The following FAM171B variants were observed in gnomAD, a reference collection of about 807,000 sequenced individuals.
FAM171B encodes the protein protein FAM171B.
In FAM171B, 19 loss-of-function variants were observed where a neutral mutation model predicts 75.6. That is an observed-to-expected ratio of 0.25 (90% CI 0.18 to 0.37). The LOEUF (loss-of-function observed/expected upper bound fraction) is 0.37. Ranked by LOEUF, FAM171B falls within the 10% of genes least tolerant of loss-of-function variation. The probability of loss-of-function intolerance (pLI) is 1.00; values close to 1 mark genes in which losing one functional copy is unlikely to be tolerated. For synonymous variants in FAM171B, 367 were observed against 361.7 expected, an observed-to-expected ratio of 1.01 and a Z score of -0.17; for missense variants, 848 against 982.4, an observed-to-expected ratio of 0.86 and a Z score of 1.83.
At position 186,764,925 on chromosome 2, in the gene FAM171B, A is replaced by G. The variant is rs368025212; in HGVS notation, c.*2102A>G. The G allele has an allele frequency of 2.6e-5, 4 of 152,148 alleles. No homozygotes were observed. Among genetic ancestry groups the G allele is most frequent in the South Asian group, 4.1e-4 (2 of 4,828 alleles). 9.4% of individuals were successfully genotyped at this position (152,148 alleles called of 1,614,324 possible). ...TTGGTAATGAAATACACATATTGGT[A>G]TAAGGGTATACCATTCAGGTATGCC... On this transcript the variant is annotated 3_prime_UTR_variant, in exon 8 of 8. Coordinates refer to ENST00000304698, the MANE Select transcript of FAM171B (RefSeq NM_177454.4).
chr2:186,706,320 A>G (rs145971953), intron 1 of FAM171B, among the ~76,000 whole-genome samples: 2 of 152,356 alleles, frequency 1.3e-5, no homozygotes, highest in Non-Finnish European at 2.9e-5. Flanking sequence ...TTTATCACCA[A>G]TGCTGTTCCA....
chr2:186,719,326 A>G (rs9789682), intron 1 of FAM171B, among the ~76,000 whole-genome samples: 46,989 of 152,122 alleles, frequency 0.31, 7,962 homozygotes, highest in South Asian at 0.39. Context: ...TACTTTGCGC[A>G]TTGATAGAAC....
In FAM171B at chr2:186,761,126, T is replaced by G. The variant is rs746611264; in HGVS notation, c.1026T>G (p.Asn342Lys). 1.2e-6 allele frequency: 2 copies of G among 1,609,458 alleles called. No individual in the cohort carries two copies. The highest frequency in any genetic ancestry group is 1.7e-5 in the Admixed American group (1 of 59,186). ...PLPGTRGSGI[N>K]EDSKDITAYH... Reference sequence around the variant, plus strand: ...TGAACCATGTAGGTTCAGGTATAAATGAAGATTCCAAGGACATAACTGCCT... The same window carrying G: ...TGAACCATGTAGGTTCAGGTATAAAGGAAGATTCCAAGGACATAACTGCCT... The change falls in exon 7 of 8, where the codon AAT becomes AAG. Residue 342 changes from asparagine (N) to lysine (K), a missense_variant. Around this residue, in one of 3 missense-constraint regions of FAM171B, gnomAD observed 665 missense variants for 729.0 expected, o/e 0.91. Transcript: ENST00000304698.
chr2:186,740,248 G>A lies in FAM171B; in HGVS notation c.259G>A (p.Val87Ile), dbSNP rs757930299. Residue 87 changes from valine to isoleucine, a missense_variant, in exon 2 of 8, where the codon GTC becomes ATC. By Grantham distance (29) the Val-to-Ile change is conservative. Around this residue, in one of 3 missense-constraint regions of FAM171B, gnomAD observed 665 missense variants for 729.0 expected, o/e 0.91. Coordinates refer to ENST00000304698, the MANE Select transcript of FAM171B (RefSeq NM_177454.4). The part of the protein sequence containing the change: ...TVPVSVFMLK[V>I]QVNDIISRQY... ...TCCAGTGTCTGTATTTATGTTGAAA[G>A]TCCAGGTGAATGACATCATCAGTCG... 3 of 1,613,848 alleles carry A rather than the reference G, an allele frequency of 1.9e-6. No homozygotes were observed. Among genetic ancestry groups the A allele is most frequent in the Non-Finnish European group, 2.5e-6 (3 of 1,179,838 alleles).
intron 1 of FAM171B, among the ~76,000 whole-genome samples, chr2:186,720,245 C>T (rs1015897921): frequency 7.2e-5 from 11 of 152,172 alleles, no homozygotes; most frequent in African/African-American, 2.7e-4. Flanking sequence ...ACCATGTTGG[C>T]CAGGCTGATC....
rs1038325899 is a variant in FAM171B, at chr2:186,765,921, CAT to C, written c.*3100_*3101del. 1.3e-5 allele frequency: 2 copies of C among 152,028 alleles called. No individual in the cohort carries two copies. The highest frequency in any genetic ancestry group is 2.4e-5 in the African/African-American group (1 of 41,416). 9.4% of individuals were successfully genotyped at this position (152,028 alleles called of 1,614,324 possible). On this transcript the variant is annotated 3_prime_UTR_variant, in exon 8 of 8. Coordinates refer to ENST00000304698, the MANE Select transcript of FAM171B (RefSeq NM_177454.4). ...ACCTGAAGATTTGTAAAATGTTAAA[CAT>C]AGTTCATTAAAAATAATAAAATAAA...
At chr2:186,736,567 G>GTGTGTGTGTGGGA (rs55683607) in intron 1 of FAM171B, among the ~76,000 whole-genome samples, 2,921 of 104,512 alleles carry the variant, frequency 0.028, 30 homozygotes, top group African/African-American at 0.036. Flanking sequence ...TGTGTGTGTG[G>GTGTGTGTGTGGGA]GAGAGAGAGA....
At chr2:186,755,004 T>C (rs1690512556) in intron 6 of FAM171B, among the ~76,000 whole-genome samples, 1 of 152,154 alleles carries the variant, frequency 6.6e-6, no homozygotes, top group East Asian at 1.9e-4. Context: ...GATCTGTTCA[T>C]AGTCTAGGAA....
At chr2:186,722,663 T>G (rs1689973116) in intron 1 of FAM171B, among the ~76,000 whole-genome samples, 1 of 152,158 alleles carries the variant, frequency 6.6e-6, no homozygotes. Context: ...GGTTGTCCGG[T>G]GGCATAGGGC....
chr2:186,762,314 C>A lies in FAM171B; in HGVS notation c.1972C>A (p.Leu658Ile), dbSNP rs1197166966. The change falls in exon 8 of 8, where the codon CTC becomes ATC. Residue 658 changes from leucine (L) to isoleucine (I), a missense_variant. Around this residue, in one of 3 missense-constraint regions of FAM171B, gnomAD observed 47 missense variants for 94.0 expected, o/e 0.50. Coordinates refer to ENST00000304698, the MANE Select transcript of FAM171B (RefSeq NM_177454.4). This position sits in a 1 kb window ranked among gnomAD's most constrained non-coding sequence, Gnocchi z 4.0. ...SELQGISEQT[L>I]LELSKGKPSP... ...ACTTCAAGGAATTTCAGAACAGACC[C>A]TCCTGGAGCTGTCCAAAGGAAAGCC... is the stretch of plus-strand genomic sequence containing the variant. The A allele has an allele frequency of 6.2e-7, 1 of 1,613,704 alleles. No homozygotes were observed. The highest frequency in any genetic ancestry group is 8.5e-7 in the Non-Finnish European group (1 of 1,179,792).
At chr2:186,730,640 A>G (rs58644770) in intron 1 of FAM171B, among the ~76,000 whole-genome samples, 48,943 of 152,078 alleles carry the variant, frequency 0.32, 8,623 homozygotes, top group South Asian at 0.41. Flanking sequence ...ATTTTTTTCT[A>G]AATATGATAT....
At chr2:186,701,066 G>C (rs1016534479) in intron 1 of FAM171B, among the ~76,000 whole-genome samples, 1 of 151,890 alleles carries the variant, frequency 6.6e-6, no homozygotes, top group African/African-American at 2.4e-5. Flanking sequence ...ACAAGTGCCT[G>C]CCACCATGCC....
At chr2:186,727,430 A>G (rs1690050588) in intron 1 of FAM171B, among the ~76,000 whole-genome samples, 1 of 152,230 alleles carries the variant, frequency 6.6e-6, no homozygotes, top group African/African-American at 2.4e-5. Context: ...TGTCTTGGTT[A>G]GTGACCAATG....
chr2:186,761,288 A>C (rs1466092012), intron 7 of FAM171B, 52 bp downstream of exon 7: 10 of 1,594,834 alleles, frequency 6.3e-6, no homozygotes, highest in Non-Finnish European at 3.4e-6. Context: ...GTATCATTTC[A>C]GTATATTCTG....
At chr2:186,755,008 C>A (rs545717643) in intron 6 of FAM171B, among the ~76,000 whole-genome samples, 1 of 152,130 alleles carries the variant, frequency 6.6e-6, no homozygotes, top group African/African-American at 2.4e-5. Context: ...TGTTCATAGT[C>A]TAGGAAAAAT....
chr2:186,745,100 G>A (rs1690348352), intron 3 of FAM171B, among the ~76,000 whole-genome samples: 1 of 152,184 alleles, frequency 6.6e-6, no homozygotes, highest in South Asian at 2.1e-4. Flanking sequence ...AAAGTGCTGG[G>A]AGCTGCCATG....
At chr2:186,733,182 G>C (rs1690145225) in intron 1 of FAM171B, among the ~76,000 whole-genome samples, 1 of 152,130 alleles carries the variant, frequency 6.6e-6, no homozygotes, top group Admixed American at 6.5e-5. Flanking sequence ...TTCGTTTTTT[G>C]AAATCAATAA....
intron 1 of FAM171B, among the ~76,000 whole-genome samples, chr2:186,720,447 A>G (rs563535028): frequency 2.6e-5 from 4 of 152,304 alleles, no homozygotes; most frequent in African/African-American, 4.8e-5. Context: ...CCTCTCCAGA[A>G]TGGCTCCTAC....
At chr2:186,726,967 A>G (rs575851614) in intron 1 of FAM171B, among the ~76,000 whole-genome samples, 46 of 152,210 alleles carry the variant, frequency 3.0e-4, no homozygotes, top group African/African-American at 1.1e-3. Context: ...TGCAATTATC[A>G]TTCCTTTTAT....
Sources: allele counts gnomAD v4.1 joint callset (sites outside exome capture counted in the v4.1 genomes callset), GRCh38; gene constraint gnomAD v4.1.1; regional missense constraint gnomAD v4.1.1; non-coding constraint Gnocchi (gnomAD v3.1); transcripts MANE v1.5; gene names NCBI Gene and HGNC (gene_info 2026-07-23, HGNC 2026-07-21).